MIB1: variants seen among roughly 807,000 people sequenced by gnomAD.
MIB1 encodes the protein MIB E3 ubiquitin protein ligase 1, also known as E3 ubiquitin-protein ligase MIB1.
A neutral mutation model predicts 124.5 loss-of-function variants in MIB1; 278 were observed. The ratio of observed to expected loss-of-function variants is 2.23; its 90% CI spans 2.02 to 2.47. The LOEUF (loss-of-function observed/expected upper bound fraction) is 2.47. MIB1 is among the 30% of genes most tolerant of loss of function. MIB1 has a pLI of 0.00. For missense variants in MIB1, 957 were observed against 1,254.4 expected (o/e 0.76, Z 3.58); for synonymous variants, 446 against 429.4 (o/e 1.04, Z -0.48).
At chr18:21,790,580 A>G (rs1420418059) in intron 6 of MIB1, among the ~76,000 whole-genome samples, 1 of 152,196 alleles carries the variant, frequency 6.6e-6, no homozygotes, top group East Asian at 1.9e-4. Context: ...GTATACATAT[A>G]TATGTATATA....
rs191971101 is a variant in MIB1 at position 21,795,135 on chromosome 18, T to C, written c.1093-2949T>C. On this transcript the variant is annotated intron_variant, in intron 7 of 20. Transcript: ENST00000261537. Reference sequence around the variant, plus strand: ...AATTGAGCACATGAAAAGTTTAATATGCTGTTTGCCTTTTAGTTGTATTAA... The same window carrying C: ...AATTGAGCACATGAAAAGTTTAATACGCTGTTTGCCTTTTAGTTGTATTAA... 2.4e-3 allele frequency among the ~76,000 whole-genome samples: 362 copies of C among 151,386 alleles called. 2 individuals are homozygous for C. Among genetic ancestry groups the C allele is most frequent in the Non-Finnish European group, 3.6e-3 (241 of 67,798 alleles).
upstream of MIB1, among the ~76,000 whole-genome samples, chr18:21,738,573 C>T (rs372621684): frequency 7.9e-5 from 12 of 151,692 alleles, no homozygotes; most frequent in East Asian, 3.9e-4. Context: ...TTTGGGAGGC[C>T]GAGGCGGGCG....
chr18:21,798,189 G>A lies in MIB1; in HGVS notation c.1198G>A (p.Val400Met), dbSNP rs1406459728. The A allele has an allele frequency of 1.2e-6, 2 of 1,613,178 alleles. No individual in the cohort carries two copies. The highest frequency in any genetic ancestry group is 2.2e-5 in the South Asian group (2 of 91,030). ...ATACAATCCAGCAGCAGTTTCCAAG[G>A]TGGCATCTGCAGGATCAGCCATTAG... ...WTYNPAAVSKVASAGSAISNA... is the reference protein window; with the variant it reads ...WTYNPAAVSKMASAGSAISNA... Residue 400 changes from valine (V) to methionine (M), a missense_variant, in exon 8 of 21, where the codon GTG becomes ATG. Physicochemically the swap from Val to Met is conservative, Grantham distance 21. Coordinates refer to ENST00000261537, the MANE Select transcript of MIB1 (RefSeq NM_020774.4).
chr18:21,858,878 C>T (rs779755299), intron 20 of MIB1, among the ~76,000 whole-genome samples: 1 of 152,058 alleles, frequency 6.6e-6, no homozygotes, highest in African/African-American at 2.4e-5. Context: ...CATTAGTGAT[C>T]AGGAAATGAA....
intron 17 of MIB1, among the ~76,000 whole-genome samples, chr18:21,850,778 T>C (rs1357126988): frequency 6.6e-6 from 1 of 152,170 alleles, no homozygotes; most frequent in African/African-American, 2.4e-5. Flanking sequence ...TCATTCTACT[T>C]AGCATTTATA....
At chr18:21,853,375 G>A (rs565719569) in intron 18 of MIB1, among the ~76,000 whole-genome samples, 157 bp downstream of exon 18, 8 of 152,244 alleles carry the variant, frequency 5.3e-5, no homozygotes, top group African/African-American at 1.7e-4. Flanking sequence ...GTACTAGAAC[G>A]TCAGCTGTTT....
At chr18:21,840,661 A>AT (rs2042079368) in intron 13 of MIB1, among the ~76,000 whole-genome samples, 2 of 1,918 alleles carry the variant, frequency 1.0e-3, no homozygotes, top group African/African-American at 1.7e-3. Context: ...ATATATATAT[A>AT]TATATTTTTT....
chr18:21,710,418 C>A (rs1241564883), intron 1 of MIB1, among the ~76,000 whole-genome samples: 2 of 151,882 alleles, frequency 1.3e-5, no homozygotes, highest in East Asian at 3.9e-4. Flanking sequence ...TGGATAAATA[C>A]AATACTAAAC....
chr18:21,851,250 A>G (rs1374623237), intron 17 of MIB1, among the ~76,000 whole-genome samples: 1 of 152,186 alleles, frequency 6.6e-6, no homozygotes, highest in Non-Finnish European at 1.5e-5. Flanking sequence ...TATGATGCAT[A>G]GACAAAATTA....
rs780532174 is a variant in MIB1 at position 21,741,587 on chromosome 18, A to G, written c.4A>G (p.Ser2Gly). ...GGAGCCCACCGCCCGGGCCCCGATG[A>G]GTAACTCCCGGAATAACCGGGTGAT... The part of the protein sequence containing the change: M[S>G]NSRNNRVMVE... Residue 2 changes from serine (S) to glycine (G), a missense_variant, in exon 1 of 21, where the codon AGT (serine) becomes GGT (glycine). By Grantham distance (56) the Ser-to-Gly change is moderately conservative (BLOSUM62 0). Transcript: ENST00000261537. The surrounding 1 kb of genome is among the most constrained non-coding windows in gnomAD (Gnocchi z 5.4). 6.1e-5 allele frequency: 92 copies of G among 1,509,580 alleles called. 2 individuals carry two copies. Among genetic ancestry groups the G allele is most frequent in the Non-Finnish European group, 8.8e-6 (10 of 1,132,228 alleles). The allele number at this position is 1,509,580 out of a possible 1,614,324, so 93.5% of individuals were successfully genotyped here.
rs533189333 is a variant in MIB1, at chr18:21,720,414, G to A, written n.167+15291G>A. Among the ~76,000 whole-genome samples the A allele has an allele frequency of 5.3e-5, 8 of 152,208 alleles. No individual in the cohort carries two copies. In the South Asian group the frequency reaches 6.2e-4, roughly 12 times the overall value. ...CAGAGATAAACAACACTTCAGGGAT[G>A]TAATTAGGAAAATCCAGAATATGGA... is the stretch of plus-strand genomic sequence containing the variant. On this transcript the variant is annotated intron_variant and non_coding_transcript_variant, in intron 1 of 20. Transcript: ENST00000578646.
At chr18:21,777,231 C>T (rs1204191300) in intron 4 of MIB1, among the ~76,000 whole-genome samples, 1 of 151,966 alleles carries the variant, frequency 6.6e-6, no homozygotes, top group Non-Finnish European at 1.5e-5. Flanking sequence ...CCAGCCTGGC[C>T]AAAGTGGTGA....
At chr18:21,818,161 T>C (rs567760745) in intron 11 of MIB1, among the ~76,000 whole-genome samples, 7 of 152,344 alleles carry the variant, frequency 4.6e-5, no homozygotes, top group African/African-American at 1.4e-4. Context: ...CACCTGTGAC[T>C]GCACAAGATG....
chr18:21,791,118 C>T (rs1480705257), intron 6 of MIB1, among the ~76,000 whole-genome samples: 1 of 150,954 alleles, frequency 6.6e-6, no homozygotes, highest in African/African-American at 2.4e-5. Context: ...GCAGGAGAAT[C>T]ATGCAGTGAG....
At chr18:21,801,881 C>A (rs2041654081) in intron 9 of MIB1, among the ~76,000 whole-genome samples, 1 of 152,150 alleles carries the variant, frequency 6.6e-6, no homozygotes, top group South Asian at 2.1e-4. Context: ...TCTCACCCAT[C>A]AGCTTGAGGG....
At chr18:21,739,885 G>T (rs908263423), upstream of MIB1, among the ~76,000 whole-genome samples, 1 of 151,464 alleles carries the variant, frequency 6.6e-6, no homozygotes, top group African/African-American at 2.4e-5. Flanking sequence ...ACTGCACTCC[G>T]GCCTGGCTGA....
Position 21,867,351 on chromosome 18 carries a change from C to T in MIB1, c.*2685C>T, listed in dbSNP as rs2042328028. 1 of 152,516 alleles carries T rather than the reference C, an allele frequency of 6.6e-6. No individual in the cohort carries two copies. The highest frequency in any genetic ancestry group is 6.6e-5 in the Admixed American group (1 of 15,252). 9.4% of individuals were successfully genotyped at this position (152,516 alleles called of 1,614,324 possible). On this transcript the variant is annotated 3_prime_UTR_variant, in exon 21 of 21. Transcript: ENST00000261537. ...GTATCCCTCACCCTACCATTTTCTC[C>T]TTTATTCTTCTAAGATTGTTAGCGT... is the stretch of plus-strand genomic sequence containing the variant.
chr18:21,779,654 G>GA lies in MIB1; in HGVS notation c.878dup (p.Asp293GlufsTer11). 1 of 1,614,094 alleles carries GA rather than the reference G, an allele frequency of 6.2e-7. No homozygotes were observed. Among genetic ancestry groups the GA allele is most frequent in the Non-Finnish European group, 8.5e-7 (1 of 1,179,950 alleles). ...TGTTTGTGGCATTGATGAAGATCAT[G>GA]ACATTGTAGTACAGTATCCAAGTGG... On this transcript the variant is annotated frameshift_variant, in exon 6 of 21. Transcript: ENST00000261537. LOFTEE classifies it high-confidence loss of function.
intron 1 of MIB1, among the ~76,000 whole-genome samples, chr18:21,710,826 G>GA (rs1177941431): frequency 1.5e-5 from 2 of 136,828 alleles, no homozygotes; most frequent in Non-Finnish European, 3.1e-5. Flanking sequence ...ATAATTGACT[G>GA]ATTTTTTTTT....
Sources: gnomAD v4.1 joint callset for allele counts (sites outside exome capture counted in the v4.1 genomes callset) on GRCh38, gnomAD v4.1.1 for gene constraint, Gnocchi (gnomAD v3.1) non-coding constraint, MANE v1.5 for transcripts, NCBI Gene and HGNC (gene_info 2026-07-23, HGNC 2026-07-21) for gene names.